GPC6: variants seen among roughly 807,000 people sequenced by gnomAD.
GPC6 encodes the protein glypican 6.
In GPC6, 14 loss-of-function variants were observed where a neutral mutation model predicts 55.2. The observed-to-expected ratio is 0.25, with a 90% CI of 0.17 to 0.40. The LOEUF (loss-of-function observed/expected upper bound fraction) is 0.40. GPC6 is among the 10% of genes least tolerant of loss of function. GPC6 has a pLI of 1.00. For missense variants in GPC6, 641 were observed against 708.5 expected (o/e 0.90, Z 1.08); for synonymous variants, 278 against 259.6 (o/e 1.07, Z -0.68).
intron 4 of GPC6, among the ~76,000 whole-genome samples, chr13:94,037,495 A>G (rs941185455): frequency 6.6e-6 from 1 of 151,994 alleles, no homozygotes; most frequent in Non-Finnish European, 1.5e-5. Context: ...AACATTATAT[A>G]AATAAAAAAA....
chr13:93,565,879 AC>A (rs1446142314), intron 2 of GPC6, among the ~76,000 whole-genome samples: 1 of 150,626 alleles, frequency 6.6e-6, no homozygotes, highest in East Asian at 2.0e-4. Flanking sequence ...CTGAGATCGC[AC>A]CACTGCATTC....
chr13:93,763,782 C>T (rs4275728), intron 2 of GPC6, among the ~76,000 whole-genome samples: 42,985 of 151,782 alleles, frequency 0.28, 6,828 homozygotes, highest in Middle Eastern at 0.4. Flanking sequence ...TACGCTTTCT[C>T]CCCAAGATTT....
intron 4 of GPC6, among the ~76,000 whole-genome samples, chr13:94,284,831 G>A (rs891191896): frequency 1.5e-4 from 23 of 150,430 alleles, no homozygotes; most frequent in Non-Finnish European, 3.4e-4. Flanking sequence ...AAATCAATCA[G>A]TATAATAGTC....
chr13:93,558,331 G>A (rs1231142373), intron 2 of GPC6, among the ~76,000 whole-genome samples: 3 of 152,152 alleles, frequency 2.0e-5, no homozygotes, highest in African/African-American at 7.2e-5. Flanking sequence ...CAGTCCTATA[G>A]AGCCACTTAG....
chr13:94,117,262 G>A (rs1886466825), intron 4 of GPC6, among the ~76,000 whole-genome samples: 2 of 152,080 alleles, frequency 1.3e-5, no homozygotes. Flanking sequence ...ACATAGTGTG[G>A]CTTGGTCAGA....
intron 1 of GPC6, among the ~76,000 whole-genome samples, chr13:93,471,024 G>A (rs936601624): frequency 4.6e-5 from 7 of 151,834 alleles, no homozygotes; most frequent in African/African-American, 1.7e-4. Context: ...GTCTCCTAAA[G>A]GTTTACCAAT....
At chr13:93,230,870 C>T (rs1356770624) in intron 1 of GPC6, among the ~76,000 whole-genome samples, 1 of 152,120 alleles carries the variant, frequency 6.6e-6, no homozygotes, top group Non-Finnish European at 1.5e-5. Context: ...TTCAGGCTTA[C>T]TCTGCCACTG....
rs529237813 is a variant in GPC6 at position 93,807,567 on chromosome 13, A to G, written c.320-22587A>G. On this transcript the variant is annotated intron_variant, in intron 2 of 8. Transcript: ENST00000377047. ...AAATGGCATGAAGGCAAGAACTTACATTCCAACAAGTTTCCGGTTGGTTCT... is the reference window on the plus strand; with the variant it reads ...AAATGGCATGAAGGCAAGAACTTACGTTCCAACAAGTTTCCGGTTGGTTCT... Among the ~76,000 whole-genome samples, 5 of 152,322 alleles carry G rather than the reference A, an allele frequency of 3.3e-5. No individual in the cohort carries two copies. The South Asian group carries it at 1.0e-3, about 32-fold the overall frequency.
chr13:94,113,558 G>C (rs9516353), intron 4 of GPC6, among the ~76,000 whole-genome samples: 21,273 of 152,020 alleles, frequency 0.14, 1,779 homozygotes, highest in East Asian at 0.33. Context: ...GCTTTCCAGT[G>C]TCAATAACCT....
chr13:93,436,408 A>T (rs1237815451), intron 1 of GPC6, among the ~76,000 whole-genome samples: 1 of 152,172 alleles, frequency 6.6e-6, no homozygotes, highest in Admixed American at 6.6e-5. Context: ...CCAGCACCAT[A>T]TGATAGCATG....
At chr13:93,617,521 C>T (rs1037696873) in intron 2 of GPC6, among the ~76,000 whole-genome samples, 2 of 152,056 alleles carry the variant, frequency 1.3e-5, no homozygotes. Flanking sequence ...AGCTCAGAAG[C>T]TTTCTGAGGA....
intron 1 of GPC6, among the ~76,000 whole-genome samples, chr13:93,473,104 A>T (rs576585538): frequency 2.0e-5 from 3 of 152,170 alleles, no homozygotes; most frequent in Non-Finnish European, 4.4e-5. Context: ...GGGCCCAGAA[A>T]AGTCACTGCA....
intron 3 of GPC6, among the ~76,000 whole-genome samples, chr13:93,876,032 TAA>T (rs1455197197): frequency 1.3e-5 from 2 of 152,044 alleles, no homozygotes; most frequent in African/African-American, 4.8e-5. Context: ...CAGCCAGTGA[TAA>T]GAGTCAGCAT....
intron 3 of GPC6, among the ~76,000 whole-genome samples, chr13:93,908,605 G>A (rs1354035147): frequency 2.0e-5 from 3 of 152,154 alleles, no homozygotes; most frequent in African/African-American, 7.2e-5. Context: ...GACCTTGTCA[G>A]TGGCTGTTAG....
At chr13:94,211,881 T>C (rs1450279341) in intron 4 of GPC6, among the ~76,000 whole-genome samples, 1 of 152,224 alleles carries the variant, frequency 6.6e-6, no homozygotes, top group African/African-American at 2.4e-5. Flanking sequence ...TGTGAAACAT[T>C]GGATGTGTAA....
intron 1 of GPC6, among the ~76,000 whole-genome samples, chr13:93,513,299 G>A (rs1881054376): frequency 6.6e-6 from 1 of 152,112 alleles, no homozygotes; most frequent in Non-Finnish European, 1.5e-5. Flanking sequence ...ATGCCCCTGG[G>A]ATGATAAACC....
chr13:93,290,193 A>G (rs1264359910), intron 1 of GPC6, among the ~76,000 whole-genome samples: 2 of 152,138 alleles, frequency 1.3e-5, no homozygotes, highest in African/African-American at 4.8e-5. Flanking sequence ...TGCCCCAATA[A>G]AGAATGTTTG....
intron 6 of GPC6, among the ~76,000 whole-genome samples, chr13:94,325,974 C>T (rs934208789): frequency 1.3e-5 from 2 of 152,134 alleles, no homozygotes; most frequent in East Asian, 1.9e-4. Flanking sequence ...TAGCATCCAG[C>T]CAGGCATGCA....
chr13:93,795,492 A>G (rs1886167078), intron 2 of GPC6, among the ~76,000 whole-genome samples: 1 of 152,204 alleles, frequency 6.6e-6, no homozygotes, highest in African/African-American at 2.4e-5. Context: ...AAAATGTGTC[A>G]TATATGTAGA....
Sources: gnomAD v4.1 joint callset for allele counts (sites outside exome capture counted in the v4.1 genomes callset) on GRCh38, gnomAD v4.1.1 for gene constraint, MANE v1.5 for transcripts, NCBI Gene and HGNC (gene_info 2026-07-23, HGNC 2026-07-21) for gene names.